The following WWOX variants were observed in gnomAD, a reference collection of about 807,000 sequenced individuals.
The protein encoded by WWOX is WW domain containing oxidoreductase.
A neutral mutation model predicts 46.2 loss-of-function variants in WWOX; 69 were observed. The ratio of observed to expected loss-of-function variants is 1.49; its 90% CI spans 1.23 to 1.82. WWOX has a LOEUF of 1.82. Among genes scored for constraint, WWOX ranks in the 40% most tolerant of loss-of-function variants. The pLI is 0.00. For synonymous variants in WWOX, 359 were observed against 202.6 expected (o/e 1.77, Z -6.56); for missense variants, 919 against 542.6 (o/e 1.69, Z -6.89).
intron 8 of WWOX, chr16:79,106,591 T>C (rs1213239729): frequency 5.1e-5 from 2 of 39,368 alleles, no homozygotes; most frequent in Non-Finnish European, 1.0e-4. Flanking sequence ...AATTTTTTTT[T>C]TTTTTTTTTT....
At position 78,957,061 on chromosome 16, in the gene WWOX, A is replaced by G. The variant is rs553637813; in HGVS notation, c.1057-254547A>G. On this transcript the variant is annotated intron_variant, in intron 8 of 8. Coordinates refer to ENST00000566780, the MANE Select transcript of WWOX (RefSeq NM_016373.4). ...ATAGACTTGCCTCATGTGACTTTCT[A>G]TATCATCCTTTGTGTCTAAGTGATT... Among the ~76,000 whole-genome samples, 11 of 152,264 alleles carry G rather than the reference A, an allele frequency of 7.2e-5. No homozygotes were observed. The East Asian group carries it at 7.7e-4, about 11-fold the overall frequency.
intron 7 of WWOX, among the ~76,000 whole-genome samples, chr16:78,431,515 T>G (rs936320873): frequency 6.6e-6 from 1 of 152,168 alleles, no homozygotes; most frequent in Admixed American, 6.5e-5. Flanking sequence ...TCTTTCTGTT[T>G]CCAAAAGCAG....
intron 8 of WWOX, among the ~76,000 whole-genome samples, chr16:78,606,787 G>A (rs989333803): frequency 1.4e-5 from 2 of 139,510 alleles, no homozygotes; most frequent in African/African-American, 5.5e-5. Context: ...AGGCTGTTCT[G>A]AAAACAGGCA....
At chr16:78,529,206 C>T (rs2043559319) in intron 8 of WWOX, among the ~76,000 whole-genome samples, 1 of 152,128 alleles carries the variant, frequency 6.6e-6, no homozygotes, top group Non-Finnish European at 1.5e-5. Context: ...CCTCCCACCT[C>T]AGCCTCCCAA....
chr16:78,454,661 A>G (rs1287191737), intron 8 of WWOX, among the ~76,000 whole-genome samples: 2 of 146,774 alleles, frequency 1.4e-5, no homozygotes, highest in Admixed American at 1.3e-4. Flanking sequence ...ATGCGCCACC[A>G]TACCTGGGGA....
chr16:79,123,956 C>T (rs112394715), intron 8 of WWOX, among the ~76,000 whole-genome samples: 8 of 152,204 alleles, frequency 5.3e-5, no homozygotes, highest in African/African-American at 1.7e-4. Context: ...GAATTGGTAC[C>T]ATTAGGATAA....
intron 8 of WWOX, among the ~76,000 whole-genome samples, chr16:79,031,050 G>C (rs892082542): frequency 2.7e-5 from 4 of 148,006 alleles, no homozygotes; most frequent in African/African-American, 1.0e-4. Flanking sequence ...CCGAGATCGA[G>C]TCACTGCACT....
intron 8 of WWOX, among the ~76,000 whole-genome samples, chr16:78,661,538 C>T (rs532082502): frequency 1.8e-4 from 28 of 151,952 alleles, no homozygotes; most frequent in African/African-American, 5.6e-4. Context: ...GCTTTCACCG[C>T]GGCATCTTCT....
intron 8 of WWOX, among the ~76,000 whole-genome samples, chr16:78,605,228 T>G (rs897442074): frequency 1.3e-5 from 2 of 151,776 alleles, no homozygotes; most frequent in East Asian, 3.9e-4. Flanking sequence ...TGTCATTGTT[T>G]CCCCATAATT....
At chr16:78,591,139 T>G (rs2045341291) in intron 8 of WWOX, among the ~76,000 whole-genome samples, 1 of 152,116 alleles carries the variant, frequency 6.6e-6, no homozygotes, top group Non-Finnish European at 1.5e-5. Context: ...TTCCCTCAGT[T>G]TCACCCCCCT....
chr16:78,439,376 G>C (rs2083399284), intron 8 of WWOX, among the ~76,000 whole-genome samples: 1 of 152,160 alleles, frequency 6.6e-6, no homozygotes, highest in Non-Finnish European at 1.5e-5. Flanking sequence ...TCAACAGAAG[G>C]ACCTGGTAGC....
chr16:78,367,849 C>G (rs1411976490), intron 5 of WWOX, among the ~76,000 whole-genome samples: 1 of 152,022 alleles, frequency 6.6e-6, no homozygotes, highest in Admixed American at 6.6e-5. Context: ...CTCTGCCTCC[C>G]GAGTTCAAGC....
intron 8 of WWOX, among the ~76,000 whole-genome samples, chr16:78,840,875 A>C (rs1378248094): frequency 1.3e-5 from 2 of 152,096 alleles, no homozygotes; most frequent in African/African-American, 2.4e-5. Flanking sequence ...TTGTTGGTCC[A>C]GGTAACACAC....
intron 5 of WWOX, among the ~76,000 whole-genome samples, chr16:78,298,383 G>A (rs1358920628): frequency 2.0e-5 from 3 of 152,144 alleles, no homozygotes; most frequent in Admixed American, 6.6e-5. Flanking sequence ...GGGGTTTCCA[G>A]TTTCAGATAG....
chr16:78,635,038 G>A (rs865909666), intron 8 of WWOX, among the ~76,000 whole-genome samples: 1 of 152,108 alleles, frequency 6.6e-6, no homozygotes, highest in Non-Finnish European at 1.5e-5. Flanking sequence ...AACCCTGACG[G>A]CTTCCCTGCG....
At chr16:78,683,811 A>G (rs937204036) in intron 8 of WWOX, among the ~76,000 whole-genome samples, 2 of 152,164 alleles carry the variant, frequency 1.3e-5, no homozygotes, top group Admixed American at 6.5e-5. Flanking sequence ...ACTCATCAAG[A>G]TGTATGTAAT....
At chr16:78,729,865 G>A (rs1359703297) in intron 8 of WWOX, among the ~76,000 whole-genome samples, 1 of 152,182 alleles carries the variant, frequency 6.6e-6, no homozygotes, top group Non-Finnish European at 1.5e-5. Flanking sequence ...TGAAACCACT[G>A]TGGTCCCAAA....
intron 8 of WWOX, among the ~76,000 whole-genome samples, chr16:78,967,549 C>T (rs2046386481): frequency 6.7e-6 from 1 of 149,734 alleles, no homozygotes; most frequent in African/African-American, 2.5e-5. Flanking sequence ...AGGTGATCCA[C>T]CCATCTTGGC....
chr16:78,422,675 A>ATG (rs2082962416), intron 6 of WWOX, among the ~76,000 whole-genome samples: 1 of 71,760 alleles, frequency 1.4e-5, no homozygotes, highest in Non-Finnish European at 2.5e-5. Flanking sequence ...ATATATATAT[A>ATG]TATATATATA....
Sources: gnomAD v4.1 joint callset for allele counts (sites outside exome capture counted in the v4.1 genomes callset) on GRCh38, gnomAD v4.1.1 for gene constraint, MANE v1.5 for transcripts, NCBI Gene and HGNC (gene_info 2026-07-23, HGNC 2026-07-21) for gene names.